ADCY7: variants seen among roughly 807,000 people sequenced by gnomAD.
The protein encoded by ADCY7 is adenylate cyclase 7, also known as adenylate cyclase type 7.
Under a neutral mutation model 120.6 loss-of-function variants are expected in ADCY7, and 72 were observed. That is an observed-to-expected ratio of 0.60 (90% CI 0.49 to 0.73). ADCY7 has a LOEUF of 0.73. Among genes scored for constraint, ADCY7 ranks in the 30% least tolerant of loss-of-function variants. The pLI is 0.00. For synonymous variants in ADCY7, 661 were observed against 628.0 expected (o/e 1.05, Z -0.78); for missense variants, 1,227 against 1,486.0 (o/e 0.83, Z 2.87).
chr16:50,306,325 C>A (rs1596970691), intron 14 of ADCY7, among the ~76,000 whole-genome samples: 1 of 152,268 alleles, frequency 6.6e-6, no homozygotes, highest in East Asian at 1.9e-4. Context: ...TCACAACGGC[C>A]AGCCCAGGGG....
intron 22 of ADCY7, chr16:50,313,706 G>A (rs573161389): frequency 8.7e-5 from 41 of 470,306 alleles, no homozygotes; most frequent in African/African-American, 5.2e-4. Flanking sequence ...TGCTGTGTTT[G>A]CTCTGTGCAG....
intron 7 of ADCY7, among the ~76,000 whole-genome samples, chr16:50,296,105 T>G (rs972899819): frequency 5.9e-5 from 9 of 152,186 alleles, no homozygotes; most frequent in African/African-American, 2.2e-4. Flanking sequence ...TAGCGTGAAG[T>G]GCAATGGCAT....
chr16:50,284,476 A>T (rs1392578264), intron 1 of ADCY7, among the ~76,000 whole-genome samples: 1 of 152,136 alleles, frequency 6.6e-6, no homozygotes, highest in East Asian at 1.9e-4. Context: ...GTGTGTCCAC[A>T]CACTCTCACA....
chr16:50,253,313 C>T (rs985010309), intron 1 of ADCY7, among the ~76,000 whole-genome samples: 1 of 152,150 alleles, frequency 6.6e-6, no homozygotes, highest in Admixed American at 6.6e-5. Context: ...TGCTGTGGCG[C>T]AATCTCGTCT....
chr16:50,315,283 G>C, intron 25 of ADCY7, 76 bp from the exon 26 acceptor site: 1 of 1,568,274 alleles, frequency 6.4e-7, no homozygotes, highest in Admixed American at 1.7e-5. Flanking sequence ...TGCATGCCTG[G>C]GCAGTCTCTA....
At chr16:50,279,404 C>G (rs1350874381) in intron 1 of ADCY7, 2 of 152,174 alleles carry the variant, frequency 1.3e-5, no homozygotes, top group African/African-American at 4.8e-5. Flanking sequence ...AAAGTGTTTC[C>G]CTTCTGAAGG....
chr16:50,313,104 C>T, intron 22 of ADCY7, 68 bp downstream of exon 22: 1 of 1,590,118 alleles, frequency 6.3e-7, no homozygotes, highest in African/African-American at 1.3e-5. Context: ...GCGGTGGCAC[C>T]TGCCATCCTA....
At position 50,284,151 on chromosome 16, in the gene ADCY7, G is replaced by A. The variant is rs539938828; in HGVS notation, c.-268-3761G>A. On this transcript the variant is annotated intron_variant, in intron 1 of 25. Coordinates refer to ENST00000673801, the MANE Select transcript of ADCY7 (RefSeq NM_001114.5). ...CGGGGTGGCTCCTAGGGAGGAGCTG[G>A]CCTGGGGACATGCCACTGGTGGTGG... Among the ~76,000 whole-genome samples the A allele has an allele frequency of 4.6e-5, 7 of 152,278 alleles. No individual in the cohort carries two copies. In the East Asian group the frequency reaches 1.4e-3, roughly 29 times the overall value.
chr16:50,297,244 T>G lies in ADCY7; in HGVS notation c.949-1660T>G, dbSNP rs555436780. 5.0e-4 allele frequency among the ~76,000 whole-genome samples: 69 copies of G among 137,360 alleles called. No homozygotes were observed. Among genetic ancestry groups the G allele is most frequent in the African/African-American group, 1.8e-3 (68 of 37,850 alleles). 90.1% of individuals were successfully genotyped at this position (137,360 alleles called of 152,430 possible). On this transcript the variant is annotated intron_variant, in intron 7 of 25. Coordinates refer to ENST00000673801, the MANE Select transcript of ADCY7 (RefSeq NM_001114.5). The surrounding 1 kb of genome is among the most constrained non-coding windows in gnomAD (Gnocchi z 4.4). ...TCAGATTCCAGAAGTGTAAGCTCTT[T>G]CCAAGAGCCAGGGCCTCCTCTCTCA... is the stretch of plus-strand genomic sequence containing the variant.
At position 50,305,600 on chromosome 16, in the gene ADCY7, C is replaced by T; in HGVS notation, c.1679+14C>T. 6.3e-7 allele frequency: 1 copy of T among 1,585,924 alleles called. No homozygotes were observed. The highest frequency in any genetic ancestry group is 8.6e-7 in the Non-Finnish European group (1 of 1,163,216). Reference sequence around the variant, plus strand: ...CAGCTCCACGAGGTGAGGTCTGAGACCTCTGTCCACCCCCCTCTCCTCTCC... The same window carrying T: ...CAGCTCCACGAGGTGAGGTCTGAGATCTCTGTCCACCCCCCTCTCCTCTCC... On this transcript the variant is annotated intron_variant, in intron 13 of 25. Coordinates refer to ENST00000673801, the MANE Select transcript of ADCY7 (RefSeq NM_001114.5).
chr16:50,314,668 G>C (rs2036695467), intron 24 of ADCY7: 10 of 482,176 alleles, frequency 2.1e-5, no homozygotes, highest in Non-Finnish European at 3.3e-5. Flanking sequence ...TTAAAATATA[G>C]AGAAGGAAGC....
At chr16:50,310,961 T>C (rs2036419056) in intron 19 of ADCY7, 81 bp downstream of exon 19, 6 of 1,403,232 alleles carry the variant, frequency 4.3e-6, no homozygotes, top group Admixed American at 4.4e-5. Flanking sequence ...AAGGGGCTTC[T>C]GTGTTCATGG....
At position 50,315,142 on chromosome 16, in the gene ADCY7, A is replaced by C. The variant is rs1443234193; in HGVS notation, c.3096+4A>C. On this transcript the variant is annotated splice_donor_region_variant and intron_variant, in intron 25 of 25. Coordinates refer to ENST00000673801, the MANE Select transcript of ADCY7 (RefSeq NM_001114.5). ...TGGAGAACTTGGGAAAATCCAGGTA[A>C]AGACCTATTGGGGAAGCAGTTGACT... The C allele has an allele frequency of 5.6e-6, 9 of 1,614,008 alleles. No homozygotes were observed. Among genetic ancestry groups the C allele is most frequent in the Non-Finnish European group, 7.6e-6 (9 of 1,180,004 alleles).
In ADCY7 at chr16:50,290,744, G is replaced by A. The variant is rs574542705; in HGVS notation, c.375+84G>A. 42 of 1,442,248 alleles carry A rather than the reference G, an allele frequency of 2.9e-5. No homozygotes were observed. The East Asian group carries it at 4.3e-4, about 15-fold the overall frequency. The allele number at this position is 1,442,248 out of a possible 1,614,324, so 89.3% of individuals were successfully genotyped here. A position where few individuals can be genotyped will look rare whatever the true frequency, so the allele number is the denominator to read the frequency against. On this transcript the variant is annotated intron_variant, in intron 3 of 25. Transcript: ENST00000673801. ...TTGGTGGGCATGCCACAGGCCCTTCGTGCCCCACGCTTGGCTGTGTGTCTA... is the reference window on the plus strand; with the variant it reads ...TTGGTGGGCATGCCACAGGCCCTTCATGCCCCACGCTTGGCTGTGTGTCTA...
rs1392299348 is a variant in ADCY7 at position 50,315,669 on chromosome 16, G to T, written c.*164G>T. 3.4e-6 allele frequency: 3 copies of T among 879,554 alleles called. No individual in the cohort carries two copies. The East Asian group carries it at 8.0e-5, about 23-fold the overall frequency. 54.5% of individuals were successfully genotyped at this position (879,554 alleles called of 1,614,324 possible). A position where few individuals can be genotyped will look rare whatever the true frequency, so the allele number is the denominator to read the frequency against. ...GAGGATTTCTCAGACACATGCACCAGATTCTGGCTCGAAGCAGCCACTGAG... is the reference window on the plus strand; with the variant it reads ...GAGGATTTCTCAGACACATGCACCATATTCTGGCTCGAAGCAGCCACTGAG... On this transcript the variant is annotated 3_prime_UTR_variant, in exon 26 of 26. Transcript: ENST00000673801.
chr16:50,312,093 G>A lies in ADCY7; in HGVS notation c.2506G>A (p.Glu836Lys), dbSNP rs2151091670. 4 of 1,614,236 alleles carry A rather than the reference G, an allele frequency of 2.5e-6. No individual in the cohort carries two copies. The highest frequency in any genetic ancestry group is 1.3e-5 in the African/African-American group (1 of 75,058). ...LWKKKFKKEH[E>K]EFETMENVNR... is the part of the protein sequence containing the mutation. ...GAAGAAGAAGTTCAAGAAGGAGCAC[G>A]AGGAGTTTGAGACCATGGAGAACGT... is the stretch of plus-strand genomic sequence containing the variant. Residue 836 changes from glutamate to lysine, a missense_variant, in exon 21 of 26, where the codon GAG (glutamate) becomes AAG (lysine). Transcript: ENST00000673801.
At chr16:50,292,888 A>T in intron 5 of ADCY7, 63 bp downstream of exon 5, 1 of 1,574,912 alleles carries the variant, frequency 6.3e-7, no homozygotes, top group Non-Finnish European at 8.6e-7. Flanking sequence ...TCTGTTGGAC[A>T]TGAGACACTC....
At chr16:50,245,626 C>CCAGG (rs1280381210), upstream of ADCY7, among the ~76,000 whole-genome samples, 4 of 152,080 alleles carry the variant, frequency 2.6e-5, no homozygotes, top group African/African-American at 9.7e-5. Flanking sequence ...CGCCCCTGAG[C>CCAGG]CCTGCCATAG....
rs571159914 is a variant in ADCY7, at chr16:50,311,875, G to C, written c.2448+89G>C. The C allele has an allele frequency of 1.6e-4, 236 of 1,454,942 alleles. No individual in the cohort carries two copies. The African/African-American group carries it at 3.0e-3, about 19-fold the overall frequency. The allele number at this position is 1,454,942 out of a possible 1,614,324, so 90.1% of individuals were successfully genotyped here. ...GATGGGGTGGGGTGGGGTGGGCTCA[G>C]GTGGAGTAGCAGAAAAGACTAGAGT... On this transcript the variant is annotated intron_variant, in intron 20 of 25. Coordinates refer to ENST00000673801, the MANE Select transcript of ADCY7 (RefSeq NM_001114.5).
Sources: allele counts gnomAD v4.1 joint callset (sites outside exome capture counted in the v4.1 genomes callset), GRCh38; gene constraint gnomAD v4.1.1; non-coding constraint Gnocchi (gnomAD v3.1); transcripts MANE v1.5; gene names NCBI Gene and HGNC (gene_info 2026-07-23, HGNC 2026-07-21).